Variants in CLSTN1 observed in about 807,000 individuals in gnomAD.
The protein encoded by CLSTN1 is calsyntenin-1.
Under a neutral mutation model 108.3 loss-of-function variants are expected in CLSTN1, and 28 were observed. The observed-to-expected ratio is 0.26, with a 90% CI of 0.19 to 0.35. CLSTN1 has a LOEUF of 0.35. Ranked by LOEUF, CLSTN1 falls within the 10% of genes least tolerant of loss-of-function variation. CLSTN1 has a pLI of 1.00. For synonymous variants in CLSTN1, 524 were observed against 534.9 expected, an observed-to-expected ratio of 0.98 and a Z score of 0.28; for missense variants, 1,157 against 1,302.6, an observed-to-expected ratio of 0.89 and a Z score of 1.72.
chr1:9,815,871 G>A (rs913416921), intron 1 of CLSTN1, among the ~76,000 whole-genome samples: 1 of 152,190 alleles, frequency 6.6e-6, no homozygotes, highest in Non-Finnish European at 1.5e-5. Flanking sequence ...AGGAGGCGGA[G>A]GCTGCAGTGA....
At chr1:9,796,722 C>A (rs985664670) in intron 1 of CLSTN1, among the ~76,000 whole-genome samples, 1 of 152,140 alleles carries the variant, frequency 6.6e-6, no homozygotes, top group African/African-American at 2.4e-5. Flanking sequence ...GAATTATTTA[C>A]AACAGGTTTA....
Position 9,751,599 on chromosome 1 carries a change from C to T in CLSTN1, c.523G>A (p.Glu175Lys), listed in dbSNP as rs1382854238. The T allele has an allele frequency of 2.5e-6, 4 of 1,614,146 alleles. No homozygotes were observed. The highest frequency in any genetic ancestry group is 1.7e-5 in the Admixed American group (1 of 59,998). The change falls in exon 5 of 19, where the codon GAG becomes AAG. Residue 175 changes from glutamate (E) to lysine (K), a missense_variant. Transcript: ENST00000377298. ...KEKSYKATVI[E>K]GKQYDSILRV... ...AAAATGCTGTCGTACTGCTTCCCCT[C>T]GATGACCGTGGCTTTGTAGGACTTC...
rs141353908 is a variant in CLSTN1 at position 9,733,430 on chromosome 1, G to A, written c.2398C>T (p.Arg800Cys). Residue 800 changes from arginine (R) to cysteine (C), a missense_variant, in exon 16 of 19, where the codon CGC becomes TGC. By Grantham distance (180) the Arg-to-Cys change is radical (BLOSUM62 -3). Transcript: ENST00000377298. ...FKLICSELNG[R>C]YISNEFKVEV... ...ACCTTAAATTCGTTGCTGATGTAGC[G>A]GCCATTCAGCTCTGAGCAGATGAGC... 1.6e-5 allele frequency: 26 copies of A among 1,614,180 alleles called. No homozygotes were observed. Among genetic ancestry groups the A allele is most frequent in the African/African-American group, 2.7e-5 (2 of 75,048 alleles).
intron 1 of CLSTN1, among the ~76,000 whole-genome samples, chr1:9,816,364 T>C (rs766549699): frequency 5.9e-5 from 9 of 151,802 alleles, no homozygotes; most frequent in Non-Finnish European, 1.2e-4. Flanking sequence ...AGGAGGGAGA[T>C]GGAGAATGAT....
chr1:9,806,333 C>T (rs1654506383), intron 1 of CLSTN1, among the ~76,000 whole-genome samples: 1 of 152,042 alleles, frequency 6.6e-6, no homozygotes, highest in Admixed American at 6.6e-5. Flanking sequence ...CACATAACCA[C>T]AAGCTCTTTA....
intron 1 of CLSTN1, among the ~76,000 whole-genome samples, chr1:9,782,470 T>C (rs997221206): frequency 6.6e-6 from 1 of 152,198 alleles, no homozygotes; most frequent in African/African-American, 2.4e-5. Context: ...ACTTTGAATG[T>C]ATTAATTTAA....
At chr1:9,781,390 C>T (rs757294640) in intron 1 of CLSTN1, 21 of 453,100 alleles carry the variant, frequency 4.6e-5, no homozygotes, top group Non-Finnish European at 7.1e-5. Context: ...CATTATAAAT[C>T]AGTGGAAAGT....
At chr1:9,737,060 G>A (rs368967173) in intron 11 of CLSTN1, among the ~76,000 whole-genome samples, 18 of 151,990 alleles carry the variant, frequency 1.2e-4, no homozygotes, top group Admixed American at 5.9e-4. Context: ...ACAACAGAGC[G>A]GGACTCCATC....
intron 1 of CLSTN1, among the ~76,000 whole-genome samples, chr1:9,811,122 G>A (rs746996752): frequency 6.6e-6 from 1 of 152,006 alleles, no homozygotes; most frequent in Non-Finnish European, 1.5e-5. Context: ...ATTAACCACT[G>A]GTATTAATGG....
Position 9,751,561 on chromosome 1 carries a change from G to A in CLSTN1, c.561C>T (p.Ala187=), listed in dbSNP as rs200475598. The A allele has an allele frequency of 2.9e-5, 47 of 1,613,970 alleles. No homozygotes were observed. Among genetic ancestry groups the A allele is most frequent in the African/African-American group, 1.1e-4 (8 of 74,900 alleles). ...ACTGAGGGGAGCAGTCGGCATCCAC[G>A]GCCTCCACCCTCAAAATGCTGTCGT... ...KQYDSILRVE[A]VDADCSPQFS... The change falls in exon 5 of 19, where the codon GCC becomes GCT. Residue 187 remains alanine, a synonymous_variant. Transcript: ENST00000377298.
In CLSTN1 at chr1:9,733,523, C is replaced by T. The variant is rs145174340; in HGVS notation, c.2305G>A (p.Glu769Lys). Residue 769 changes from glutamate (E) to lysine (K), a missense_variant, in exon 16 of 19, where the codon GAG becomes AAG. By Grantham distance (56) the Glu-to-Lys change is moderately conservative. Coordinates refer to ENST00000377298, the MANE Select transcript of CLSTN1 (RefSeq NM_001009566.3). ...FTGVDTMASY[E>K]EVLHLLRYRN... is the part of the protein sequence containing the mutation. ...TAGCGCAGCAGGTGCAAAACCTCCT[C>T]GTAGCTGGCCATGGTGTCCACGCCT... The T allele has an allele frequency of 1.1e-5, 18 of 1,613,976 alleles. No individual in the cohort carries two copies. Among genetic ancestry groups the T allele is most frequent in the East Asian group, 2.2e-5 (1 of 44,894 alleles).
rs751414713 is a variant in CLSTN1, at chr1:9,733,949, C to T, written c.2281+23G>A. 29 of 1,591,282 alleles carry T rather than the reference C, an allele frequency of 1.8e-5. No homozygotes were observed. In the Admixed American group the frequency reaches 1.9e-4, roughly 11 times the overall value. On this transcript the variant is annotated intron_variant, in intron 15 of 18. Transcript: ENST00000377298. Reference sequence around the variant, plus strand: ...CCCCTCTTGCAGCCTGGCCCACCTGCGTGGCTGCAGCGCTCCCCTTACCTG... The same window carrying T: ...CCCCTCTTGCAGCCTGGCCCACCTGTGTGGCTGCAGCGCTCCCCTTACCTG...
At chr1:9,777,237 A>AAG (rs1652998924) in intron 1 of CLSTN1, among the ~76,000 whole-genome samples, 2 of 147,062 alleles carry the variant, frequency 1.4e-5, no homozygotes, top group African/African-American at 5.0e-5. Flanking sequence ...AAAAAAAAAA[A>AAG]GCCTGGGAGT....
intron 7 of CLSTN1, 109 bp from the exon 8 acceptor site, chr1:9,744,752 T>G: frequency 7.6e-7 from 1 of 1,322,202 alleles, no homozygotes; most frequent in Non-Finnish European, 1.0e-6. Flanking sequence ...CTGGCTCCAG[T>G]TTACTTTTTT....
At chr1:9,798,077 G>A (rs1654091323) in intron 1 of CLSTN1, among the ~76,000 whole-genome samples, 1 of 147,700 alleles carries the variant, frequency 6.8e-6, no homozygotes, top group Non-Finnish European at 1.5e-5. Context: ...CTGGGCAACA[G>A]AGGGAGCGAG....
At chr1:9,819,120 T>TAAGACCCACTAAA (rs1553184465) in intron 1 of CLSTN1, among the ~76,000 whole-genome samples, 2 of 151,908 alleles carry the variant, frequency 1.3e-5, no homozygotes, top group Non-Finnish European at 2.9e-5. Context: ...CACACCAAAT[T>TAAGACCCACTAAA]AAGACCCACT....
At chr1:9,782,850 T>C (rs1653311691) in intron 1 of CLSTN1, among the ~76,000 whole-genome samples, 1 of 151,196 alleles carries the variant, frequency 6.6e-6, no homozygotes, top group Admixed American at 6.6e-5. Flanking sequence ...CTATTGAAAA[T>C]ACAAAAATTA....
In CLSTN1 at chr1:9,750,278, A is replaced by G. The variant is rs532972097; in HGVS notation, c.650-365T>C. On this transcript the variant is annotated intron_variant, in intron 5 of 18. Coordinates refer to ENST00000377298, the MANE Select transcript of CLSTN1 (RefSeq NM_001009566.3). ...TAAGATCGCTGATCAAACATTTACT[A>G]TATTAAAAGAAAGAGAGATTTCCTA... The G allele has an allele frequency of 5.3e-5, 10 of 188,172 alleles. 1 individual carries two copies. The South Asian group carries it at 1.0e-3, about 20-fold the overall frequency. 11.7% of individuals were successfully genotyped at this position (188,172 alleles called of 1,614,324 possible). A position where few individuals can be genotyped will look rare whatever the true frequency, so the allele number is the denominator to read the frequency against.
rs1650570254 is a variant in CLSTN1, at chr1:9,734,369, G to GT, written c.2111-228dup. Reference sequence around the variant, plus strand: ...ACGGGTGGATCACCTGAGGTCAGGAGTTTGAGACCAGCCTGGCCAACAGGG... The same window carrying GT: ...ACGGGTGGATCACCTGAGGTCAGGAGTTTTGAGACCAGCCTGGCCAACAGGG... On this transcript the variant is annotated intron_variant, in intron 14 of 18. Transcript: ENST00000377298. This position sits in a 1 kb window ranked among gnomAD's most constrained non-coding sequence, Gnocchi z 4.8. Among the ~76,000 whole-genome samples the GT allele has an allele frequency of 6.6e-6, 1 of 152,166 alleles. No individual in the cohort carries two copies. Among genetic ancestry groups the GT allele is most frequent in the Non-Finnish European group, 1.5e-5 (1 of 68,022 alleles).
Sources: allele counts gnomAD v4.1 joint callset (sites outside exome capture counted in the v4.1 genomes callset), GRCh38; gene constraint gnomAD v4.1.1; non-coding constraint Gnocchi (gnomAD v3.1); transcripts MANE v1.5; gene names NCBI Gene and HGNC (gene_info 2026-07-23, HGNC 2026-07-21).